The following SHE variants were observed in gnomAD, a reference collection of about 807,000 sequenced individuals.
SHE encodes Src homology 2 domain containing E.
SHE carries 11 observed loss-of-function variants against 49.8 expected under a neutral mutation model. That is an observed-to-expected ratio of 0.22 (90% confidence interval 0.14 to 0.37). The LOEUF (loss-of-function observed/expected upper bound fraction) is 0.37. SHE is among the 10% of genes least tolerant of loss of function. SHE has a pLI of 1.00. For synonymous variants in SHE, 310 were observed against 278.1 expected, an observed-to-expected ratio of 1.11 and a Z score of -1.14; for missense variants, 624 against 655.5, an observed-to-expected ratio of 0.95 and a Z score of 0.52.
chr1:154,470,320 C>T (rs753895764), exon 2 of SHE: 29 of 1,288,972 alleles, frequency 2.2e-5, no homozygotes, highest in Admixed American at 1.6e-4. Flanking sequence ...GACATGGTTA[C>T]GGTGCTCTTT....
chr1:154,495,627 T>C (rs1433872269), intron 2 of SHE, among the ~76,000 whole-genome samples: 1 of 152,074 alleles, frequency 6.6e-6, no homozygotes, highest in East Asian at 1.9e-4. Context: ...ACTTATCTTC[T>C]TTGCTGGTAG....
At chr1:154,495,879 A>T (rs1350892103) in intron 2 of SHE, among the ~76,000 whole-genome samples, 1 of 152,218 alleles carries the variant, frequency 6.6e-6, no homozygotes, top group Non-Finnish European at 1.5e-5. Flanking sequence ...ATGGCAACAC[A>T]GATTTAACCA....
downstream of SHE, among the ~76,000 whole-genome samples, chr1:154,478,833 G>A (rs1691948976): frequency 6.6e-6 from 1 of 152,118 alleles, no homozygotes; most frequent in Non-Finnish European, 1.5e-5. Context: ...AAACACAGAT[G>A]GGTTAAAACA....
At chr1:154,488,956 T>A in intron 3 of SHE, 95 bp downstream of exon 3, 1 of 1,430,530 alleles carries the variant, frequency 7.0e-7, no homozygotes, top group South Asian at 1.4e-5. Context: ...GAAAGGAATA[T>A]AAAGGTACCC....
chr1:154,486,263 GA>G (rs1249530633), intron 4 of SHE, among the ~76,000 whole-genome samples: 5 of 152,194 alleles, frequency 3.3e-5, no homozygotes, highest in African/African-American at 1.2e-4. Context: ...AATCATACAA[GA>G]GTGAGTTAAC....
downstream of SHE, among the ~76,000 whole-genome samples, chr1:154,475,106 G>A (rs1274280593): frequency 6.6e-6 from 1 of 152,216 alleles, no homozygotes; most frequent in East Asian, 1.9e-4. Flanking sequence ...GGCCTGCCGG[G>A]GGTACAGGGG....
At chr1:154,476,479 C>T (rs986551029), downstream of SHE, among the ~76,000 whole-genome samples, 2 of 152,070 alleles carry the variant, frequency 1.3e-5, no homozygotes, top group East Asian at 3.8e-4. Flanking sequence ...CCCGTCTCTA[C>T]TAAAAATACA....
rs1691989672 is a variant in SHE at position 154,480,472 on chromosome 1, C to G, written c.*3677G>C. The G allele has an allele frequency of 2.0e-6, 2 of 985,326 alleles. No homozygotes were observed. Among genetic ancestry groups the G allele is most frequent in the Admixed American group, 1.2e-4 (2 of 16,264 alleles). The allele number at this position is 985,326 out of a possible 1,614,324, so 61.0% of individuals were successfully genotyped here. On this transcript the variant is annotated 3_prime_UTR_variant, in exon 6 of 6. Transcript: ENST00000304760. ...ACAACAGCCAATAACAGACTAGTAA[C>G]AGAGTTACATAATCCAATTAACAAA...
rs772629532 is a variant in SHE, at chr1:154,489,372, C to A, written c.719-16G>T. 6.2e-6 allele frequency: 10 copies of A among 1,606,748 alleles called. No individual in the cohort carries two copies. In the Admixed American group the frequency reaches 6.8e-5, roughly 11 times the overall value. On this transcript the variant is annotated splice_polypyrimidine_tract_variant and intron_variant, in intron 2 of 5. Transcript: ENST00000304760. Reference sequence around the variant, plus strand: ...CGTCTAATTTCTGAAAAACACACACCATTTCTGAAAAACACACACCATACA... The same window carrying A: ...CGTCTAATTTCTGAAAAACACACACAATTTCTGAAAAACACACACCATACA...
rs1353223165 is a variant in SHE at position 154,485,983 on chromosome 1, T to G, written c.1261A>C (p.Asn421His). 6.2e-7 allele frequency: 1 copy of G among 1,614,154 alleles called. No individual in the cohort carries two copies. The highest frequency in any genetic ancestry group is 1.3e-5 in the African/African-American group (1 of 75,054). Residue 421 changes from asparagine (N) to histidine (H), a missense_variant, in exon 5 of 6, where the codon AAT (asparagine) becomes CAT (histidine). Coordinates refer to ENST00000304760, the MANE Select transcript of SHE (RefSeq NM_001010846.3). ...PCKEAGYLVR[N>H]SESGNSRYSI... ...TACCTGCTGTTCCCTGACTCACTAT[T>G]TCGAACCAGGTAACCAGCTTCTTTG... is the stretch of plus-strand genomic sequence containing the variant.
At position 154,501,577 on chromosome 1, in the gene SHE, C is replaced by G. The variant is rs762750137; in HGVS notation, c.450G>C (p.Val150=). The change falls in exon 1 of 6, where the codon GTG becomes GTC. Residue 150 remains valine (V), a synonymous_variant. Coordinates refer to ENST00000304760, the MANE Select transcript of SHE (RefSeq NM_001010846.3). ...CSTYINRLIK[V]DTQEKNGKSN... is the part of the protein sequence containing the mutation. ...TCTTCCCGTTCTTCTCCTGAGTGTCCACCTTGATGAGCCTGTTGATGTAGG... is the reference window on the plus strand; with the variant it reads ...TCTTCCCGTTCTTCTCCTGAGTGTCGACCTTGATGAGCCTGTTGATGTAGG... The G allele has an allele frequency of 1.9e-6, 3 of 1,613,990 alleles. No homozygotes were observed. The highest frequency in any genetic ancestry group is 2.5e-6 in the Non-Finnish European group (3 of 1,179,990).
chr1:154,475,620 T>C (rs1325759465), downstream of SHE, among the ~76,000 whole-genome samples: 2 of 152,236 alleles, frequency 1.3e-5, no homozygotes, highest in Admixed American at 1.3e-4. Context: ...TAAACAATTA[T>C]AACCCTTCTA....
rs1692821931 is a variant in SHE, at chr1:154,502,304, G to T, written c.-278C>A. 1.1e-5 allele frequency: 2 copies of T among 188,986 alleles called. No individual in the cohort carries two copies. The highest frequency in any genetic ancestry group is 1.9e-4 in the South Asian group (1 of 5,192). The allele number at this position is 188,986 out of a possible 1,614,324, so 11.7% of individuals were successfully genotyped here. A position where few individuals can be genotyped will look rare whatever the true frequency, so the allele number is the denominator to read the frequency against. On this transcript the variant is annotated 5_prime_UTR_variant, in exon 1 of 6. Transcript: ENST00000304760. The stretch of plus-strand genomic sequence containing the variant: ...GCTTCCCCCTGCTCTTTCCTCCTGC[G>T]GTGGGAGAGGCCAGGCCCACGGAAG...
chr1:154,485,106 C>G (rs1467089539), intron 5 of SHE: 1 of 152,068 alleles, frequency 6.6e-6, no homozygotes, highest in East Asian at 1.9e-4. Flanking sequence ...CATTTCCTCC[C>G]CTCGCATCTG....
Position 154,482,307 on chromosome 1 carries a change from C to T in SHE, c.*1842G>A. On this transcript the variant is annotated 3_prime_UTR_variant, in exon 6 of 6. Coordinates refer to ENST00000304760, the MANE Select transcript of SHE (RefSeq NM_001010846.3). ...GGGATTACGTGCATGAGCCACCGCA[C>T]CCAGCCTACATTCTTTATTAATAAA... 1.0e-6 allele frequency: 1 copy of T among 985,266 alleles called. No homozygotes were observed. The highest frequency in any genetic ancestry group is 1.2e-6 in the Non-Finnish European group (1 of 829,842). The allele number at this position is 985,266 out of a possible 1,614,324, so 61.0% of individuals were successfully genotyped here.
chr1:154,490,629 G>C (rs1692332795), intron 2 of SHE, among the ~76,000 whole-genome samples: 1 of 152,214 alleles, frequency 6.6e-6, no homozygotes, highest in Non-Finnish European at 1.5e-5. Context: ...ATAATGGGGA[G>C]CTGAGAGATG....
intron 2 of SHE, among the ~76,000 whole-genome samples, chr1:154,492,943 G>T (rs1475966180): frequency 6.6e-6 from 1 of 152,158 alleles, no homozygotes; most frequent in Non-Finnish European, 1.5e-5. Context: ...AATACATTTG[G>T]ATTAAAATGT....
chr1:154,498,517 C>A (rs1000635770), intron 2 of SHE, among the ~76,000 whole-genome samples: 9 of 151,836 alleles, frequency 5.9e-5, no homozygotes, highest in African/African-American at 2.2e-4. Flanking sequence ...CGTGCCTCAG[C>A]TTCCCAAATA....
downstream of SHE, among the ~76,000 whole-genome samples, chr1:154,478,639 C>T (rs769561257): frequency 1.3e-5 from 2 of 152,072 alleles, no homozygotes; most frequent in Non-Finnish European, 2.9e-5. Context: ...ACACCTGGTG[C>T]GGAAAAAGAG....
Sources: allele counts gnomAD v4.1 joint callset (sites outside exome capture counted in the v4.1 genomes callset), GRCh38; gene constraint gnomAD v4.1.1; transcripts MANE v1.5; gene names NCBI Gene and HGNC (gene_info 2026-07-23, HGNC 2026-07-21).